The following WWP2 variants were observed in gnomAD, a reference collection of about 807,000 sequenced individuals.
WWP2 encodes WW domain containing E3 ubiquitin protein ligase 2, also known as NEDD4-like E3 ubiquitin-protein ligase WWP2.
WWP2 carries 57 observed loss-of-function variants against 121.0 expected under a neutral mutation model. The ratio of observed to expected loss-of-function variants is 0.47; its 90% CI spans 0.38 to 0.59. The LOEUF (loss-of-function observed/expected upper bound fraction) is 0.59, where lower values mean the gene tolerates loss of function less well. Ranked by LOEUF, WWP2 falls within the 20% of genes least tolerant of loss-of-function variation. The probability of loss-of-function intolerance (pLI) is 0.00; values close to 1 mark genes in which losing one functional copy is unlikely to be tolerated. For synonymous variants in WWP2, 449 were observed against 441.3 expected (o/e 1.02, Z -0.22); for missense variants, 962 against 1,158.9 (o/e 0.83, Z 2.47).
chr16:69,844,083 G>C (rs192033471), intron 6 of WWP2, among the ~76,000 whole-genome samples: 1 of 152,056 alleles, frequency 6.6e-6, no homozygotes, highest in African/African-American at 2.4e-5. Flanking sequence ...TCTTTTTTCC[G>C]TACCTTTATT....
intron 8 of WWP2, among the ~76,000 whole-genome samples, chr16:69,897,732 A>AC (rs1418102253): frequency 6.6e-6 from 1 of 151,780 alleles, no homozygotes; most frequent in African/African-American, 2.4e-5. Context: ...ATGTGGTGAA[A>AC]CCCCATCTCT....
chr16:69,896,171 G>A (rs1178013678), intron 8 of WWP2, among the ~76,000 whole-genome samples: 2 of 152,106 alleles, frequency 1.3e-5, no homozygotes, highest in African/African-American at 4.8e-5. Flanking sequence ...ACCCAGGCTG[G>A]AGTATAGTGG....
chr16:69,898,292 T>A (rs1229178702), intron 8 of WWP2, among the ~76,000 whole-genome samples: 1 of 152,160 alleles, frequency 6.6e-6, no homozygotes, highest in South Asian at 2.1e-4. Flanking sequence ...CCTCCCAAAG[T>A]GCTGGGATTA....
intron 2 of WWP2, among the ~76,000 whole-genome samples, chr16:69,792,269 C>T (rs764012419): frequency 6.6e-6 from 1 of 152,122 alleles, no homozygotes; most frequent in Non-Finnish European, 1.5e-5. Flanking sequence ...AAAAACTGAT[C>T]TCTGAAAAGC....
At chr16:69,910,273 A>G in intron 9 of WWP2, 1 of 679,844 alleles carries the variant, frequency 1.5e-6, no homozygotes, top group Non-Finnish European at 1.8e-6. Flanking sequence ...TGTTTATATT[A>G]TCAAATACCC....
chr16:69,931,975 G>T, intron 16 of WWP2, 85 bp downstream of exon 16: 3 of 1,283,442 alleles, frequency 2.3e-6, no homozygotes, highest in Non-Finnish European at 2.2e-6. Context: ...CCTGCCCCCT[G>T]CTCACATTCC....
At chr16:69,874,712 C>T (rs546281408) in intron 7 of WWP2, among the ~76,000 whole-genome samples, 1 of 152,008 alleles carries the variant, frequency 6.6e-6, no homozygotes, top group Non-Finnish European at 1.5e-5. Context: ...AAGACTTTAC[C>T]CCCAAATTTT....
chr16:69,824,844 C>T (rs1371302695), intron 4 of WWP2, among the ~76,000 whole-genome samples: 1 of 102,996 alleles, frequency 9.7e-6, no homozygotes, highest in Non-Finnish European at 2.3e-5. Flanking sequence ...GATCTTGGCT[C>T]ACTGCAGCCT....
In WWP2 at chr16:69,940,867, G is replaced by C. The variant is rs2058871247; in HGVS notation, c.*927G>C. On this transcript the variant is annotated 3_prime_UTR_variant, in exon 24 of 24. Transcript: ENST00000359154. ...CAAGCCTGGCAGAATGAGAGGGGTT[G>C]AGGTCCCGAGCGCCACTCCTAGCCT... 6.5e-6 allele frequency: 1 copy of C among 153,742 alleles called. No homozygotes were observed. Among genetic ancestry groups the C allele is most frequent in the South Asian group, 2.1e-4 (1 of 4,836 alleles). 9.5% of individuals were successfully genotyped at this position (153,742 alleles called of 1,614,324 possible).
intron 7 of WWP2, among the ~76,000 whole-genome samples, chr16:69,884,920 A>G (rs949844606): frequency 6.6e-6 from 1 of 152,148 alleles, no homozygotes; most frequent in African/African-American, 2.4e-5. Flanking sequence ...GAATATTACT[A>G]TTTTGCAGGC....
chr16:69,788,496 G>A (rs906118112), intron 2 of WWP2, among the ~76,000 whole-genome samples: 2 of 152,246 alleles, frequency 1.3e-5, no homozygotes, highest in Non-Finnish European at 2.9e-5. Flanking sequence ...TTGCTCTTCA[G>A]TGAATACACT....
chr16:69,833,151 G>A (rs2056821259), intron 4 of WWP2, among the ~76,000 whole-genome samples: 1 of 152,244 alleles, frequency 6.6e-6, no homozygotes. Flanking sequence ...GAGCCACTGT[G>A]CTCAGCCTTT....
chr16:69,802,503 T>C (rs1339982880), intron 4 of WWP2, among the ~76,000 whole-genome samples: 1 of 152,186 alleles, frequency 6.6e-6, no homozygotes, highest in Non-Finnish European at 1.5e-5. Context: ...AGTGGAACCA[T>C]ACAGTATTTG....
intron 4 of WWP2, among the ~76,000 whole-genome samples, chr16:69,809,573 C>G (rs1398883386): frequency 6.6e-6 from 1 of 152,070 alleles, no homozygotes; most frequent in Non-Finnish European, 1.5e-5. Context: ...TCGAGACCAG[C>G]CTGACCAACA....
chr16:69,818,072 C>T (rs1287836028), intron 4 of WWP2, among the ~76,000 whole-genome samples: 1 of 152,102 alleles, frequency 6.6e-6, no homozygotes, highest in Admixed American at 6.5e-5. Context: ...ATACCTGTTT[C>T]CCTGTATCTC....
chr16:69,928,645 A>T (rs186256355), intron 11 of WWP2, among the ~76,000 whole-genome samples: 1 of 152,230 alleles, frequency 6.6e-6, no homozygotes, highest in African/African-American at 2.4e-5. Context: ...ACGGTGGCTT[A>T]TTGCCTGTAA....
chr16:69,874,816 C>T (rs921647439), intron 7 of WWP2, among the ~76,000 whole-genome samples: 12 of 152,080 alleles, frequency 7.9e-5, no homozygotes, highest in Non-Finnish European at 1.0e-4. Context: ...ATCTTTAATG[C>T]GTTTAAGGCC....
chr16:69,864,022 T>C (rs755873311), intron 6 of WWP2, among the ~76,000 whole-genome samples: 2 of 152,222 alleles, frequency 1.3e-5, no homozygotes, highest in Non-Finnish European at 1.5e-5. Context: ...TCTATGAGCT[T>C]TTGCATACAG....
chr16:69,850,565 G>C (rs990687490), intron 6 of WWP2, among the ~76,000 whole-genome samples: 2 of 152,056 alleles, frequency 1.3e-5, no homozygotes, highest in Non-Finnish European at 2.9e-5. Flanking sequence ...ATTTGGGGAA[G>C]ACCTCCCACA....
Sources: gnomAD v4.1 joint callset for allele counts (sites outside exome capture counted in the v4.1 genomes callset) on GRCh38, gnomAD v4.1.1 for gene constraint, MANE v1.5 for transcripts, NCBI Gene and HGNC (gene_info 2026-07-23, HGNC 2026-07-21) for gene names.